TENM3: variants seen among roughly 807,000 people sequenced by gnomAD.
TENM3 encodes the protein teneurin-3.
A neutral mutation model predicts 255.1 loss-of-function variants in TENM3; 63 were observed. The ratio of observed to expected loss-of-function variants is 0.25; its 90% CI spans 0.20 to 0.30. The LOEUF is 0.30. Ranked by LOEUF, TENM3 falls within the 10% of genes least tolerant of loss-of-function variation. TENM3 has a pLI of 1.00. For synonymous variants in TENM3, 1,306 were observed against 1,322.3 expected (o/e 0.99, Z 0.27); for missense variants, 2,929 against 3,461.1 (o/e 0.85, Z 3.86).
chr4:182,702,018 G>A (rs1323558626), intron 12 of TENM3, among the ~76,000 whole-genome samples: 2 of 152,148 alleles, frequency 1.3e-5, no homozygotes, highest in South Asian at 2.1e-4. Context: ...TACATGACTT[G>A]TATTTCTGAA....
chr4:182,584,642 CT>C (rs1200896466), intron 3 of TENM3, among the ~76,000 whole-genome samples: 1 of 151,838 alleles, frequency 6.6e-6, no homozygotes, highest in Non-Finnish European at 1.5e-5. Flanking sequence ...GTTTCTTTGC[CT>C]TTTTTTCTTT....
At chr4:182,502,533 A>G (rs1267818757) in intron 3 of TENM3, among the ~76,000 whole-genome samples, 1 of 151,926 alleles carries the variant, frequency 6.6e-6, no homozygotes, top group Non-Finnish European at 1.5e-5. Context: ...ACATTCTCAG[A>G]GATCACTCAT....
At chr4:182,079,738 C>T in the TENM3 span, 1 of 152,352 alleles carries the variant, frequency 6.6e-6, no homozygotes, top group Non-Finnish European at 1.5e-5. Flanking sequence ...AGAGCTGACT[C>T]CTCATCAGTC....
At chr4:182,038,037 A>C in the TENM3 span, among the ~76,000 whole-genome samples, 1 of 152,010 alleles carries the variant, frequency 6.6e-6, no homozygotes, top group South Asian at 2.1e-4. Context: ...ACAAACAAAC[A>C]CCTCTCATTA....
At chr4:181,701,771 C>G in the TENM3 span, among the ~76,000 whole-genome samples, 1 of 152,170 alleles carries the variant, frequency 6.6e-6, no homozygotes, top group East Asian at 1.9e-4. Flanking sequence ...ACGGAGCTTT[C>G]CAACTTTCTT....
At chr4:182,046,827 A>G in the TENM3 span, among the ~76,000 whole-genome samples, 98 of 152,340 alleles carry the variant, frequency 6.4e-4, no homozygotes, top group South Asian at 6.2e-3. Context: ...ACCATGTCCT[A>G]TAGCAGGTTT....
At chr4:182,202,346 C>G (rs1278999289) in intron 1 of TENM3, among the ~76,000 whole-genome samples, 1 of 137,086 alleles carries the variant, frequency 7.3e-6, no homozygotes, top group Non-Finnish European at 1.5e-5. Flanking sequence ...ACTGTTGTTG[C>G]CCAGGCTGGA....
chr4:181,994,140 A>G, the TENM3 span, among the ~76,000 whole-genome samples: 5 of 152,238 alleles, frequency 3.3e-5, no homozygotes, highest in Non-Finnish European at 7.4e-5. Context: ...TAATGAAATC[A>G]TAGGATTGAT....
chr4:181,636,612 C>T, the TENM3 span, among the ~76,000 whole-genome samples: 3 of 152,132 alleles, frequency 2.0e-5, no homozygotes, highest in Admixed American at 6.5e-5. Flanking sequence ...TTACTCTTGG[C>T]GCTACCTTCT....
the TENM3 span, among the ~76,000 whole-genome samples, chr4:181,890,602 A>G: frequency 6.6e-6 from 1 of 152,176 alleles, no homozygotes; most frequent in African/African-American, 2.4e-5. Context: ...AAAATCAAGC[A>G]ATTTATTCTA....
the TENM3 span, among the ~76,000 whole-genome samples, chr4:181,996,553 G>A: frequency 6.6e-6 from 1 of 152,170 alleles, no homozygotes; most frequent in African/African-American, 2.4e-5. Flanking sequence ...AGCACTGGTT[G>A]CCAGGGGAGC....
At chr4:181,960,355 C>T in the TENM3 span, among the ~76,000 whole-genome samples, 1 of 152,110 alleles carries the variant, frequency 6.6e-6, no homozygotes, top group East Asian at 1.9e-4. Context: ...ATTTTAGTGA[C>T]TCATAATCAG....
chr4:181,794,118 T>C, the TENM3 span, among the ~76,000 whole-genome samples: 2 of 152,298 alleles, frequency 1.3e-5, no homozygotes, highest in South Asian at 4.1e-4. Flanking sequence ...TAAGTCACTG[T>C]TTTTATTTTT....
intron 24 of TENM3, 85 bp downstream of exon 24, chr4:182,775,238 A>C (rs1764588733): frequency 8.4e-7 from 1 of 1,185,936 alleles, no homozygotes; most frequent in Admixed American, 1.9e-5. Flanking sequence ...TCTCCTGCTC[A>C]CCCCCCTATG....
At chr4:182,759,366 AAG>A (rs1762960886) in intron 22 of TENM3, among the ~76,000 whole-genome samples, 2 of 152,254 alleles carry the variant, frequency 1.3e-5, no homozygotes, top group African/African-American at 4.8e-5. Context: ...GTAAAACCAG[AAG>A]CTGGCATTTG....
At chr4:181,956,850 C>A in the TENM3 span, among the ~76,000 whole-genome samples, 1 of 152,130 alleles carries the variant, frequency 6.6e-6, no homozygotes, top group Non-Finnish European at 1.5e-5. Flanking sequence ...TTTAGATTAA[C>A]GGGCAACAAA....
chr4:182,051,417 G>A, the TENM3 span, among the ~76,000 whole-genome samples: 5 of 130,092 alleles, frequency 3.8e-5, no homozygotes, highest in Non-Finnish European at 7.9e-5. Flanking sequence ...TTGCTCTTTC[G>A]CCCAGGCCAG....
At chr4:181,949,204 G>A in the TENM3 span, among the ~76,000 whole-genome samples, 8 of 152,118 alleles carry the variant, frequency 5.3e-5, no homozygotes, top group African/African-American at 1.9e-4. Flanking sequence ...TGTATATATG[G>A]GTAACCGTTC....
intron 1 of TENM3, among the ~76,000 whole-genome samples, chr4:182,277,246 A>G (rs17072950): frequency 0.03 from 4,517 of 152,254 alleles, 257 homozygotes; most frequent in African/African-American, 0.1. Context: ...GCCAGATTAG[A>G]TAGCAATGTT....
Sources: gnomAD v4.1 joint callset for allele counts (sites outside exome capture counted in the v4.1 genomes callset) on GRCh38, gnomAD v4.1.1 for gene constraint, MANE v1.5 for transcripts, NCBI Gene and HGNC (gene_info 2026-07-23, HGNC 2026-07-21) for gene names.